The following DOCK4 variants were observed in gnomAD, a reference collection of about 807,000 sequenced individuals.
DOCK4 encodes dedicator of cytokinesis 4, also known as dedicator of cytokinesis protein 4.
In DOCK4, 97 loss-of-function variants were observed where a neutral mutation model predicts 268.1. That is an observed-to-expected ratio of 0.36 (90% CI 0.31 to 0.43). DOCK4 has a LOEUF of 0.43. Ranked by LOEUF, DOCK4 falls within the 20% of genes least tolerant of loss-of-function variation. The pLI, the probability that DOCK4 is intolerant of heterozygous loss-of-function variation, is 1.00. For missense variants in DOCK4, 2,145 were observed against 2,455.7 expected (o/e 0.87, Z 2.67); for synonymous variants, 954 against 887.2 (o/e 1.08, Z -1.34).
At chr7:112,048,899 C>T (rs939900528) in intron 1 of DOCK4, among the ~76,000 whole-genome samples, 1 of 151,996 alleles carries the variant, frequency 6.6e-6, no homozygotes, top group Non-Finnish European at 1.5e-5. Context: ...AAGCCCCACA[C>T]GCATTAGCTA....
At chr7:111,783,018 GAAA>G (rs35825505) in intron 34 of DOCK4, 94 bp from the exon 35 acceptor site, 402 of 512,412 alleles carry the variant, frequency 7.8e-4, no homozygotes, top group East Asian at 1.2e-3. Context: ...AAGAAAGAAA[GAAA>G]AAAAAAAAAA....
At chr7:111,739,527 C>A (rs375328989) in intron 47 of DOCK4, 50 bp from the exon 48 acceptor site, 15 of 1,417,988 alleles carry the variant, frequency 1.1e-5, no homozygotes, top group African/African-American at 1.4e-5. Context: ...AGGCTTCCCA[C>A]GACACTGACG....
intron 1 of DOCK4, among the ~76,000 whole-genome samples, chr7:112,121,153 ACT>A (rs1812690550): frequency 6.6e-6 from 1 of 152,042 alleles, no homozygotes; most frequent in Admixed American, 6.5e-5. Context: ...AAACTAAATA[ACT>A]CTCTTATCAT....
At chr7:112,024,978 A>C (rs909417247) in intron 1 of DOCK4, among the ~76,000 whole-genome samples, 2 of 152,206 alleles carry the variant, frequency 1.3e-5, no homozygotes, top group African/African-American at 4.8e-5. Flanking sequence ...CATGCTACTA[A>C]ATACACTCAC....
chr7:111,906,771 C>T (rs1369944686), intron 13 of DOCK4, among the ~76,000 whole-genome samples: 3 of 152,082 alleles, frequency 2.0e-5, no homozygotes. Context: ...AACACAGAGG[C>T]CGGAATGACT....
intron 1 of DOCK4, among the ~76,000 whole-genome samples, chr7:112,190,875 TC>T (rs1450367959): frequency 6.6e-6 from 1 of 152,022 alleles, no homozygotes; most frequent in Non-Finnish European, 1.5e-5. Flanking sequence ...GCATACCAAC[TC>T]CTTGGACAGG....
chr7:112,118,259 T>C (rs1425934644), intron 1 of DOCK4, among the ~76,000 whole-genome samples: 1 of 152,110 alleles, frequency 6.6e-6, no homozygotes, highest in African/African-American at 2.4e-5. Flanking sequence ...TCCCTGCTGC[T>C]TACTTGGGCT....
At chr7:112,067,166 G>A (rs1807151497) in intron 1 of DOCK4, among the ~76,000 whole-genome samples, 1 of 148,560 alleles carries the variant, frequency 6.7e-6, no homozygotes, top group African/African-American at 2.5e-5. Flanking sequence ...GCAAGACTCT[G>A]TCTCAAAAAA....
At chr7:111,924,531 TAA>T (rs1793437915) in intron 12 of DOCK4, among the ~76,000 whole-genome samples, 1 of 152,178 alleles carries the variant, frequency 6.6e-6, no homozygotes, top group African/African-American at 2.4e-5. Context: ...AGATGTGATA[TAA>T]GTTTCACCAA....
At chr7:111,805,462 A>C (rs1456757106) in intron 30 of DOCK4, among the ~76,000 whole-genome samples, 1 of 152,238 alleles carries the variant, frequency 6.6e-6, no homozygotes, top group Non-Finnish European at 1.5e-5. Flanking sequence ...TAGAATTATA[A>C]AATATTTCAA....
At chr7:111,964,113 C>A (rs1797182103) in intron 8 of DOCK4, among the ~76,000 whole-genome samples, 1 of 148,534 alleles carries the variant, frequency 6.7e-6, no homozygotes, top group African/African-American at 2.5e-5. Flanking sequence ...GGGAAAAAAA[C>A]AGAACAGAAA....
At chr7:111,827,454 A>G (rs1743408165) in intron 26 of DOCK4, among the ~76,000 whole-genome samples, 1 of 152,166 alleles carries the variant, frequency 6.6e-6, no homozygotes, top group South Asian at 2.1e-4. Context: ...AATGGCCCAT[A>G]GTCATCAAAA....
At chr7:111,971,753 G>T in intron 8 of DOCK4, 1 of 300,630 alleles carries the variant, frequency 3.3e-6, no homozygotes, top group Non-Finnish European at 6.2e-6. Flanking sequence ...GTGGTCCAAG[G>T]CCTGAATGAA....
chr7:112,130,608 A>G (rs966694219), intron 1 of DOCK4, among the ~76,000 whole-genome samples: 1 of 152,198 alleles, frequency 6.6e-6, no homozygotes, highest in Non-Finnish European at 1.5e-5. Context: ...TAATACACAA[A>G]TTATAAAGGA....
intron 16 of DOCK4, among the ~76,000 whole-genome samples, chr7:111,877,858 G>A (rs912348364): frequency 2.0e-5 from 3 of 152,156 alleles, no homozygotes; most frequent in Admixed American, 2.0e-4. Context: ...AAGAGGAATC[G>A]GATGTTCATA....
intron 50 of DOCK4, among the ~76,000 whole-genome samples, chr7:111,736,049 T>A (rs1368596476): frequency 6.6e-6 from 1 of 152,224 alleles, no homozygotes; most frequent in Non-Finnish European, 1.5e-5. Flanking sequence ...AAGATGAACA[T>A]GTGACTTGTA....
intron 1 of DOCK4, among the ~76,000 whole-genome samples, chr7:112,044,804 T>C (rs1265740590): frequency 6.6e-6 from 1 of 152,078 alleles, no homozygotes; most frequent in African/African-American, 2.4e-5. Context: ...TTAACATAAA[T>C]CCTGAGTTGA....
chr7:112,076,376 T>G (rs1808068659), intron 1 of DOCK4, among the ~76,000 whole-genome samples: 1 of 152,086 alleles, frequency 6.6e-6, no homozygotes, highest in African/African-American at 2.4e-5. Context: ...AAACTGAATT[T>G]GGCAAAAAAT....
At chr7:112,039,888 T>C (rs1426211150) in intron 1 of DOCK4, among the ~76,000 whole-genome samples, 5 of 152,194 alleles carry the variant, frequency 3.3e-5, no homozygotes, top group Admixed American at 6.5e-5. Context: ...CCTAGACCTC[T>C]ATACTCGTGC....
Sources: gnomAD v4.1 joint callset for allele counts (sites outside exome capture counted in the v4.1 genomes callset) on GRCh38, gnomAD v4.1.1 for gene constraint, MANE v1.5 for transcripts, NCBI Gene and HGNC (gene_info 2026-07-23, HGNC 2026-07-21) for gene names.